The following SLC6A15 variants were observed in gnomAD, a reference collection of about 807,000 sequenced individuals.
The protein encoded by SLC6A15 is sodium-dependent neutral amino acid transporter B(0)AT2.
In SLC6A15, 33 loss-of-function variants were observed where a neutral mutation model predicts 68.5. The ratio of observed to expected loss-of-function variants is 0.48; its 90% CI spans 0.37 to 0.64. The LOEUF (loss-of-function observed/expected upper bound fraction) is 0.64. Among genes scored for constraint, SLC6A15 ranks in the 30% least tolerant of loss-of-function variants. The pLI is 0.00. For synonymous variants in SLC6A15, 347 were observed against 301.0 expected (o/e 1.15, Z -1.58); for missense variants, 747 against 874.3 (o/e 0.85, Z 1.84).
intron 1 of SLC6A15, among the ~76,000 whole-genome samples, chr12:84,899,285 G>A (rs1181944043): frequency 1.3e-5 from 2 of 151,728 alleles, no homozygotes; most frequent in Non-Finnish European, 2.9e-5. Flanking sequence ...TGATGGAAGG[G>A]ACAAAAAACC....
At position 84,860,118 on chromosome 12, in the gene SLC6A15, A is replaced by G. The variant is rs975165574; in HGVS notation, c.*1514T>C. ...TGCACCAGTGGATTTAATACTTTAA[A>G]TGCTGTGATACCATTTATTAACATC... On this transcript the variant is annotated 3_prime_UTR_variant, in exon 12 of 12. Coordinates refer to ENST00000266682, the MANE Select transcript of SLC6A15 (RefSeq NM_182767.6). 7.9e-5 allele frequency: 12 copies of G among 152,116 alleles called. No homozygotes were observed. The highest frequency in any genetic ancestry group is 2.9e-4 in the African/African-American group (12 of 41,472). The allele number at this position is 152,116 out of a possible 1,614,324, so 9.4% of individuals were successfully genotyped here.
At chr12:84,900,644 A>G (rs1872818467) in intron 1 of SLC6A15, among the ~76,000 whole-genome samples, 1 of 151,686 alleles carries the variant, frequency 6.6e-6, no homozygotes, top group South Asian at 2.1e-4. Flanking sequence ...CAGTGAGGTC[A>G]TTAGTTTGAA....
chr12:84,904,935 A>G (rs2120732864), intron 1 of SLC6A15, among the ~76,000 whole-genome samples: 1 of 152,324 alleles, frequency 6.6e-6, no homozygotes, highest in South Asian at 2.1e-4. Flanking sequence ...TGAATGCATA[A>G]TTTTAAAACT....
At chr12:84,911,159 T>G (rs1873438400) in intron 1 of SLC6A15, among the ~76,000 whole-genome samples, 1 of 152,124 alleles carries the variant, frequency 6.6e-6, no homozygotes, top group Non-Finnish European at 1.5e-5. Context: ...TAATAATTCC[T>G]CAAAACAAAC....
chr12:84,882,012 T>C (rs779435913), intron 5 of SLC6A15: 250 of 979,210 alleles, frequency 2.6e-4, no homozygotes, highest in Non-Finnish European at 2.8e-4. Flanking sequence ...AAATAAATTG[T>C]ATTACATTTT....
At chr12:84,863,389 A>G (rs1592590093) in intron 11 of SLC6A15, 50 bp downstream of exon 11, 1 of 1,434,304 alleles carries the variant, frequency 7.0e-7, no homozygotes, top group Middle Eastern at 2.3e-4. Context: ...CCCTCTAAAA[A>G]AGCTTTTTAT....
chr12:84,909,350 G>C (rs74735876), intron 1 of SLC6A15, among the ~76,000 whole-genome samples: 6,103 of 152,202 alleles, frequency 0.04, 385 homozygotes, highest in African/African-American at 0.13. Context: ...TTACAGCTCT[G>C]CCCTGTGTCA....
intron 1 of SLC6A15, among the ~76,000 whole-genome samples, chr12:84,899,610 C>A (rs1313187847): frequency 2.6e-5 from 4 of 152,082 alleles, no homozygotes; most frequent in African/African-American, 9.7e-5. Flanking sequence ...TGCCTCTTAT[C>A]CAGCATCACT....
At chr12:84,903,834 G>C (rs751818320) in intron 1 of SLC6A15, among the ~76,000 whole-genome samples, 13 of 152,090 alleles carry the variant, frequency 8.5e-5, no homozygotes, top group Non-Finnish European at 1.8e-4. Flanking sequence ...AACATTTATA[G>C]ATGTCAGGAA....
intron 6 of SLC6A15, 57 bp downstream of exon 6, chr12:84,876,440 A>T: frequency 1.1e-6 from 1 of 888,720 alleles, no homozygotes; most frequent in Non-Finnish European, 1.8e-6. Context: ...AGAATATTTT[A>T]ACAATAAACA....
intron 5 of SLC6A15, among the ~76,000 whole-genome samples, chr12:84,878,411 T>A (rs976985765): frequency 1.3e-5 from 2 of 152,076 alleles, no homozygotes; most frequent in African/African-American, 4.8e-5. Context: ...ATTAAAGTAA[T>A]CCCCTTTATG....
intron 10 of SLC6A15, among the ~76,000 whole-genome samples, chr12:84,865,319 G>A (rs1871020428): frequency 6.6e-6 from 1 of 152,064 alleles, no homozygotes; most frequent in Non-Finnish European, 1.5e-5. Context: ...AGCAATTTTA[G>A]GTTCACAGCA....
intron 9 of SLC6A15, among the ~76,000 whole-genome samples, chr12:84,870,181 C>G (rs1169999815): frequency 6.7e-6 from 1 of 150,084 alleles, no homozygotes; most frequent in Non-Finnish European, 1.5e-5. Context: ...TGACTTTATT[C>G]TAGTGTCAGT....
At chr12:84,875,952 C>T (rs1354150110) in intron 6 of SLC6A15, among the ~76,000 whole-genome samples, 6 of 151,182 alleles carry the variant, frequency 4.0e-5, no homozygotes, top group African/African-American at 1.5e-4. Context: ...ACTACAAAAC[C>T]TCAAAAAAAT....
Position 84,876,509 on chromosome 12 carries a change from C to T in SLC6A15, c.855G>A (p.Met285Ile). The T allele has an allele frequency of 6.4e-7, 1 of 1,572,180 alleles. No homozygotes were observed. The highest frequency in any genetic ancestry group is 1.2e-5 in the South Asian group (1 of 86,124). The change falls in exon 6 of 12, where the codon ATG (methionine) becomes ATA (isoleucine). Residue 285 changes from methionine to isoleucine, a missense_variant. Met to Ile is a conservative substitution (Grantham distance 10). Coordinates refer to ENST00000266682, the MANE Select transcript of SLC6A15 (RefSeq NM_182767.6). ...LNGSIDGIRH[M>I]FTPKLEIMLE... ...ATATGGTACATACCTTAGGGGTAAA[C>T]ATGTGGCGAATGCCATCAATTGAAC...
chr12:84,909,867 T>C (rs1413606143), intron 1 of SLC6A15, among the ~76,000 whole-genome samples: 2 of 152,160 alleles, frequency 1.3e-5, no homozygotes, highest in Non-Finnish European at 2.9e-5. Context: ...TGCAAATATC[T>C]TACCTATTCA....
intron 6 of SLC6A15, chr12:84,874,342 T>C (rs182537652): frequency 1.2e-4 from 18 of 152,288 alleles, no homozygotes; most frequent in African/African-American, 4.1e-4. Context: ...ACTCTAAAAA[T>C]GCTCAGTAAC....
intron 10 of SLC6A15, among the ~76,000 whole-genome samples, chr12:84,865,092 A>C (rs1424976579): frequency 6.6e-6 from 1 of 152,234 alleles, no homozygotes; most frequent in Non-Finnish European, 1.5e-5. Flanking sequence ...GTCCAAAAAC[A>C]ATATCAAATT....
At chr12:84,883,192 A>G (rs912918147) in intron 5 of SLC6A15, 1 of 984,616 alleles carries the variant, frequency 1.0e-6, no homozygotes. Context: ...AAAATAGTGA[A>G]TAGCAATTAC....
Sources: allele counts gnomAD v4.1 joint callset (sites outside exome capture counted in the v4.1 genomes callset), GRCh38; gene constraint gnomAD v4.1.1; transcripts MANE v1.5; gene names NCBI Gene and HGNC (gene_info 2026-07-23, HGNC 2026-07-21).